The following PCDHA5 variants were observed in gnomAD, a reference collection of about 807,000 sequenced individuals.
The protein encoded by PCDHA5 is protocadherin alpha-5.
In PCDHA5, 43 loss-of-function variants were observed where a neutral mutation model predicts 61.6. That is an observed-to-expected ratio of 0.70 (90% CI 0.55 to 0.90). The LOEUF (loss-of-function observed/expected upper bound fraction) is 0.90, where lower values mean the gene tolerates loss of function less well. Among genes scored for constraint, PCDHA5 ranks in the 40% least tolerant of loss-of-function variants. The probability of loss-of-function intolerance (pLI) is 0.00; values close to 1 mark genes in which losing one functional copy is unlikely to be tolerated. For synonymous variants in PCDHA5, 627 were observed against 543.9 expected (o/e 1.15, Z -2.13); for missense variants, 1,298 against 1,222.7 (o/e 1.06, Z -0.92).
At chr5:140,927,502 A>G (rs1554204633) in intron 1 of PCDHA5, 1 of 1,614,134 alleles carries the variant, frequency 6.2e-7, no homozygotes, top group Non-Finnish European at 8.5e-7. Context: ...GCTGGTGCTT[A>G]CAGCTCGGGA....
intron 1 of PCDHA5, chr5:140,830,224 G>C (rs2150182996): frequency 6.2e-7 from 1 of 1,613,900 alleles, no homozygotes; most frequent in African/African-American, 1.3e-5. Context: ...CCAGCCTGCT[G>C]GTCCTCACGC....
chr5:140,954,017 T>C (rs2094968085), intron 1 of PCDHA5, among the ~76,000 whole-genome samples: 1 of 152,162 alleles, frequency 6.6e-6, no homozygotes, highest in Admixed American at 6.5e-5. Flanking sequence ...CTCCCACACA[T>C]AGTGGGACGA....
intron 1 of PCDHA5, chr5:140,856,917 G>T: frequency 6.3e-7 from 1 of 1,595,592 alleles, no homozygotes; most frequent in South Asian, 1.1e-5. Flanking sequence ...ACGATAAGAA[G>T]GAAATTTTGG....
intron 1 of PCDHA5, among the ~76,000 whole-genome samples, chr5:140,840,453 A>C (rs1554137802): frequency 1.3e-5 from 2 of 152,010 alleles, no homozygotes; most frequent in African/African-American, 4.8e-5. Flanking sequence ...GAAACGTTAA[A>C]TAAAAAGTTG....
chr5:140,857,295 G>A, intron 1 of PCDHA5: 1 of 1,598,726 alleles, frequency 6.3e-7, no homozygotes, highest in Non-Finnish European at 8.6e-7. Flanking sequence ...GACCGCGAGA[G>A]GGTGTCGGCC....
At chr5:140,850,217 C>A (rs2150473800) in intron 1 of PCDHA5, 2 of 1,593,480 alleles carry the variant, frequency 1.3e-6, no homozygotes, top group African/African-American at 1.3e-5. Context: ...GGGGCACTGA[C>A]GGCGCAGTGA....
chr5:140,924,896 AAAAAAAAAAT>A (rs1244420537), intron 1 of PCDHA5, among the ~76,000 whole-genome samples: 4 of 69,138 alleles, frequency 5.8e-5, no homozygotes, highest in African/African-American at 1.0e-4. Flanking sequence ...ACCTGTCTCA[AAAAAAAAAAT>A]AAAATAAAAT....
intron 1 of PCDHA5, among the ~76,000 whole-genome samples, chr5:140,902,233 T>C (rs1402685005): frequency 6.7e-6 from 1 of 149,150 alleles, no homozygotes; most frequent in African/African-American, 2.5e-5. Context: ...AGATGAGGAC[T>C]TGCTTTGTTG....
chr5:140,858,680 A>G (rs2045557174), intron 1 of PCDHA5: 4 of 623,692 alleles, frequency 6.4e-6, no homozygotes, highest in Non-Finnish European at 1.1e-5. Flanking sequence ...TTCTGAATAC[A>G]CTAATATTTT....
In PCDHA5 at chr5:140,951,110, T is replaced by A. The variant is rs1230697929; in HGVS notation, c.2353-27839T>A. Reference sequence around the variant, plus strand: ...TTTTTCTGATAAGATTTCCTTTATTTTCATTCCTTACCAATAAGTTTTCCT... The same window carrying A: ...TTTTTCTGATAAGATTTCCTTTATTATCATTCCTTACCAATAAGTTTTCCT... On this transcript the variant is annotated intron_variant, in intron 1 of 3. Transcript: ENST00000529859. Among the ~76,000 whole-genome samples, 5 of 150,004 alleles carry A rather than the reference T, an allele frequency of 3.3e-5. No homozygotes were observed. The East Asian group carries it at 9.8e-4, about 29-fold the overall frequency.
At chr5:140,976,423 T>C (rs1378184646) in intron 1 of PCDHA5, among the ~76,000 whole-genome samples, 22 of 151,886 alleles carry the variant, frequency 1.4e-4, no homozygotes, top group Admixed American at 1.3e-3. Context: ...CGGTGGCAGA[T>C]GCCTGTAATC....
At chr5:140,882,307 A>C in intron 1 of PCDHA5, 2 of 1,613,900 alleles carry the variant, frequency 1.2e-6, no homozygotes, top group Non-Finnish European at 1.7e-6. Context: ...GACCGCGGCA[A>C]CTACTGCTCT....
At chr5:140,878,735 C>T (rs2057715661) in intron 1 of PCDHA5, among the ~76,000 whole-genome samples, 1 of 152,198 alleles carries the variant, frequency 6.6e-6, no homozygotes, top group Non-Finnish European at 1.5e-5. Context: ...AGCCTTATAT[C>T]TACTTTCTTA....
At chr5:140,866,739 C>T (rs1198771092) in intron 1 of PCDHA5, 5 of 152,124 alleles carry the variant, frequency 3.3e-5, no homozygotes, top group African/African-American at 4.8e-5. Context: ...CACTCTAATA[C>T]TTATATGACT....
intron 1 of PCDHA5, among the ~76,000 whole-genome samples, chr5:140,893,884 G>T (rs189719076): frequency 6.6e-6 from 1 of 152,296 alleles, no homozygotes; most frequent in Non-Finnish European, 1.5e-5. Flanking sequence ...AAAGTGGCCA[G>T]AAAGTTACTT....
chr5:140,853,897 G>A, intron 1 of PCDHA5: 2 of 967,612 alleles, frequency 2.1e-6, no homozygotes, highest in Non-Finnish European at 2.5e-6. Context: ...AAAAGATGTG[G>A]TGGCCTGACA....
chr5:140,843,243 A>G, intron 1 of PCDHA5: 2 of 1,595,128 alleles, frequency 1.3e-6, no homozygotes, highest in Non-Finnish European at 1.7e-6. Context: ...GACGAAGCGG[A>G]CTCTCCGCGC....
chr5:140,833,217 A>G (rs1276816516), intron 1 of PCDHA5, among the ~76,000 whole-genome samples: 2 of 152,208 alleles, frequency 1.3e-5, no homozygotes, highest in Non-Finnish European at 1.5e-5. Context: ...AGGAATGGAC[A>G]GGTTACACAA....
intron 1 of PCDHA5, among the ~76,000 whole-genome samples, chr5:140,838,076 T>C (rs13170073): frequency 3.2e-5 from 1 of 31,122 alleles, no homozygotes; most frequent in African/African-American, 2.4e-4. Flanking sequence ...TATATATATA[T>C]AGTGTGTGTG....
Sources: gnomAD v4.1 joint callset for allele counts (sites outside exome capture counted in the v4.1 genomes callset) on GRCh38, gnomAD v4.1.1 for gene constraint, MANE v1.5 for transcripts, NCBI Gene and HGNC (gene_info 2026-07-23, HGNC 2026-07-21) for gene names.